DOK6: variants seen among roughly 807,000 people sequenced by gnomAD.
The protein encoded by DOK6 is docking protein 6.
Under a neutral mutation model 44.0 loss-of-function variants are expected in DOK6, and 22 were observed. The ratio of observed to expected loss-of-function variants is 0.50; its 90% CI spans 0.36 to 0.71. DOK6 has a LOEUF of 0.71. Among genes scored for constraint, DOK6 ranks in the 30% least tolerant of loss-of-function variants. The probability of loss-of-function intolerance (pLI) is 0.00; values close to 1 mark genes in which losing one functional copy is unlikely to be tolerated. For missense variants in DOK6, 340 were observed against 416.4 expected, an observed-to-expected ratio of 0.82 and a Z score of 1.60; for synonymous variants, 166 against 145.5, an observed-to-expected ratio of 1.14 and a Z score of -1.01.
At chr18:69,584,967 G>T (rs894042838) in intron 2 of DOK6, among the ~76,000 whole-genome samples, 2 of 151,428 alleles carry the variant, frequency 1.3e-5, no homozygotes, top group Admixed American at 6.6e-5. Context: ...CATCTAGCTT[G>T]CCAGAGGTCT....
intron 5 of DOK6, among the ~76,000 whole-genome samples, chr18:69,718,717 A>G (rs902066854): frequency 6.6e-6 from 1 of 152,160 alleles, no homozygotes; most frequent in African/African-American, 2.4e-5. Flanking sequence ...GAATTCTACT[A>G]CTAAAATAAG....
chr18:69,427,602 T>C (rs1001360834), intron 1 of DOK6, among the ~76,000 whole-genome samples: 1 of 152,204 alleles, frequency 6.6e-6, no homozygotes, highest in African/African-American at 2.4e-5. Context: ...ATCCCATTAC[T>C]GGGTATATGC....
intron 1 of DOK6, among the ~76,000 whole-genome samples, chr18:69,433,357 AGC>A (rs1225933017): frequency 1.3e-5 from 2 of 152,222 alleles, no homozygotes; most frequent in Non-Finnish European, 2.9e-5. Flanking sequence ...GAAAGACAAA[AGC>A]ATAATAGTTT....
chr18:69,609,469 C>A, intron 3 of DOK6, among the ~76,000 whole-genome samples: 1 of 85,778 alleles, frequency 1.2e-5, no homozygotes, highest in South Asian at 3.5e-4. Context: ...TCAAACCTGC[C>A]AGGATGGCTA....
At chr18:69,459,190 TGTGTGTGTGTGTGTGTGTGTG>T (rs1979720535) in intron 1 of DOK6, among the ~76,000 whole-genome samples, 2 of 1,996 alleles carry the variant, frequency 1.0e-3, no homozygotes, top group Non-Finnish European at 7.1e-3. Context: ...AAATATTTTG[TGTGTGTGTGTGTGTGTGTGTG>T]TGTGTGTGTG....
intron 7 of DOK6, among the ~76,000 whole-genome samples, chr18:69,824,787 C>A (rs1329048166): frequency 6.6e-6 from 1 of 152,242 alleles, no homozygotes; most frequent in Non-Finnish European, 1.5e-5. Context: ...GAGATTGGTA[C>A]CGCCCTGTCC....
At chr18:69,736,866 T>C (rs895657907) in intron 5 of DOK6, among the ~76,000 whole-genome samples, 1 of 152,210 alleles carries the variant, frequency 6.6e-6, no homozygotes, top group South Asian at 2.1e-4. Flanking sequence ...TTCTGGAGTC[T>C]AGTCATCAAC....
At chr18:69,647,058 C>CCTGTCTATCTGTCTATCCTAT (rs1555719738) in intron 3 of DOK6, among the ~76,000 whole-genome samples, 4 of 126,468 alleles carry the variant, frequency 3.2e-5, no homozygotes, top group Admixed American at 7.9e-5. Context: ...ATCTGTCTAT[C>CCTGTCTATCTGTCTATCCTAT]CTATCTGTCT....
intron 3 of DOK6, among the ~76,000 whole-genome samples, chr18:69,655,099 A>G (rs553493758): frequency 2.0e-5 from 3 of 152,292 alleles, no homozygotes; most frequent in Admixed American, 2.0e-4. Context: ...AGTTTTCTAC[A>G]GAAGAGAAAA....
At chr18:69,483,507 G>T (rs1412976799) in intron 1 of DOK6, 1 of 152,042 alleles carries the variant, frequency 6.6e-6, no homozygotes, top group Non-Finnish European at 1.5e-5. Context: ...AGCCTCTTTG[G>T]AAGGAATGAG....
chr18:69,655,761 C>CAAAAAAAAAAAAAAAAAAAAAAAAAAAAA (rs74175379), intron 3 of DOK6, among the ~76,000 whole-genome samples: 1 of 43,204 alleles, frequency 2.3e-5, no homozygotes, highest in African/African-American at 1.1e-4. Context: ...CCCCACCCCT[C>CAAAAAAAAAAAAAAAAAAAAAAAAAAAAA]AAAAAAAAAA....
chr18:69,619,261 G>A lies in DOK6; in HGVS notation c.289+19763G>A, dbSNP rs542887130. Among the ~76,000 whole-genome samples, 3 of 152,300 alleles carry A rather than the reference G, an allele frequency of 2.0e-5. No homozygotes were observed. In the East Asian group the frequency reaches 5.8e-4, roughly 29 times the overall value. ...GTGCCTGGGGCTTCTATAGCTTGAG[G>A]ACACAGAACTGAAAGCTTTCAGTAA... On this transcript the variant is annotated intron_variant, in intron 3 of 7. Transcript: ENST00000382713.
chr18:69,588,159 C>T (rs989544625), intron 2 of DOK6, among the ~76,000 whole-genome samples: 2 of 152,118 alleles, frequency 1.3e-5, no homozygotes, highest in Admixed American at 6.6e-5. Flanking sequence ...ATGATAGAGA[C>T]CAAAATCAGG....
chr18:69,579,401 C>G (rs1983311594), intron 2 of DOK6, among the ~76,000 whole-genome samples: 1 of 152,054 alleles, frequency 6.6e-6, no homozygotes, highest in African/African-American at 2.4e-5. Context: ...TTTTCAATAG[C>G]CTGGAATTCT....
At chr18:69,426,559 A>G (rs951998959) in intron 1 of DOK6, among the ~76,000 whole-genome samples, 3 of 152,320 alleles carry the variant, frequency 2.0e-5, no homozygotes, top group Non-Finnish European at 2.9e-5. Context: ...GGGCCATATT[A>G]CTAAACATTG....
At position 69,807,223 on chromosome 18, in the gene DOK6, C is replaced by A. The variant is rs542816535; in HGVS notation, c.857-34021C>A. 4.6e-5 allele frequency among the ~76,000 whole-genome samples: 7 copies of A among 151,790 alleles called. No individual in the cohort carries two copies. The South Asian group carries it at 1.2e-3, about 27-fold the overall frequency. On this transcript the variant is annotated intron_variant, in intron 7 of 7. Transcript: ENST00000382713. ...TAAGCTGTTATCAGCTTAAAATAAC[C>A]TGTTATAACTATAAGATGTTTCCTA...
intron 6 of DOK6, among the ~76,000 whole-genome samples, chr18:69,744,947 A>AC (rs397949653): frequency 1.3e-5 from 2 of 150,558 alleles, no homozygotes; most frequent in Non-Finnish European, 3.0e-5. Context: ...AAAAAAAAAA[A>AC]CACCCACACA....
At chr18:69,705,366 GTT>G (rs1448434086) in intron 5 of DOK6, among the ~76,000 whole-genome samples, 3 of 152,012 alleles carry the variant, frequency 2.0e-5, no homozygotes, top group African/African-American at 7.2e-5. Context: ...GTTTGTTTTT[GTT>G]TTGTTTTGTT....
At chr18:69,629,474 C>A (rs1458244743) in intron 3 of DOK6, among the ~76,000 whole-genome samples, 1 of 152,168 alleles carries the variant, frequency 6.6e-6, no homozygotes. Flanking sequence ...GCTCCGACAT[C>A]TTCCTCTCTT....
Sources: allele counts gnomAD v4.1 joint callset (sites outside exome capture counted in the v4.1 genomes callset), GRCh38; gene constraint gnomAD v4.1.1; transcripts MANE v1.5; gene names NCBI Gene and HGNC (gene_info 2026-07-23, HGNC 2026-07-21).